The following MACROD2 variants were observed in gnomAD, a reference collection of about 807,000 sequenced individuals.
MACROD2 encodes the protein mono-ADP ribosylhydrolase 2, also known as ADP-ribose glycohydrolase MACROD2.
In MACROD2, 36 loss-of-function variants were observed where a neutral mutation model predicts 70.4. That is an observed-to-expected ratio of 0.51 (90% CI 0.39 to 0.68). The LOEUF (loss-of-function observed/expected upper bound fraction) is 0.68. Among genes scored for constraint, MACROD2 ranks in the 30% least tolerant of loss-of-function variants. The probability of loss-of-function intolerance (pLI) is 0.00; values close to 1 mark genes in which losing one functional copy is unlikely to be tolerated. For missense variants in MACROD2, 496 were observed against 538.4 expected (o/e 0.92, Z 0.78); for synonymous variants, 172 against 178.8 (o/e 0.96, Z 0.30).
At position 15,304,697 on chromosome 20, in the gene MACROD2, C is replaced by T. The variant is rs539425609; in HGVS notation, c.540+74636C>T. On this transcript the variant is annotated intron_variant, in intron 6 of 17. Transcript: ENST00000684519. The stretch of plus-strand genomic sequence containing the variant: ...TAGCTCACTGCAGACGACCCCTTCC[C>T]GCTCTCCCCTCTCTCCCTTACGTGC... Among the ~76,000 whole-genome samples, 21 of 152,220 alleles carry T rather than the reference C, an allele frequency of 1.4e-4. No homozygotes were observed. In the East Asian group the frequency reaches 1.5e-3, roughly 11 times the overall value.
rs1286793525 is a variant in MACROD2, at chr20:14,255,120, T to A, written c.271+169392T>A. The stretch of plus-strand genomic sequence containing the variant: ...GCTGAGAGATCCGCTGTTAGTCTGA[T>A]GGGCTTCCCTTTGTGGGTAACCCGA... On this transcript the variant is annotated intron_variant, in intron 3 of 17. Coordinates refer to ENST00000684519, the MANE Select transcript of MACROD2 (RefSeq NM_001351661.2). Among the ~76,000 whole-genome samples the A allele has an allele frequency of 5.9e-5, 9 of 152,192 alleles. No individual in the cohort carries two copies. In the East Asian group the frequency reaches 1.7e-3, roughly 29 times the overall value.
At position 14,859,850 on chromosome 20, in the gene MACROD2, T is replaced by C. The variant is rs190278317; in HGVS notation, c.418+174891T>C. 4.4e-3 allele frequency among the ~76,000 whole-genome samples: 676 copies of C among 152,190 alleles called. 8 individuals are homozygous for C. The highest frequency in any genetic ancestry group is 0.015 in the African/African-American group (637 of 41,520). On this transcript the variant is annotated intron_variant, in intron 5 of 17. Coordinates refer to ENST00000684519, the MANE Select transcript of MACROD2 (RefSeq NM_001351661.2). ...AATTGTCATTCTCAGTTCCCTTAAG[T>C]ACTAAATAGGAGAAAAGACAGTAGA...
chr20:14,359,884 T>G (rs939738223), intron 3 of MACROD2, among the ~76,000 whole-genome samples: 6 of 151,432 alleles, frequency 4.0e-5, no homozygotes, highest in Middle Eastern at 3.4e-3. Context: ...GTAAAGAAAA[T>G]GTGGAATATA....
At chr20:15,661,046 C>T (rs142386995) in intron 8 of MACROD2, among the ~76,000 whole-genome samples, 82 of 152,248 alleles carry the variant, frequency 5.4e-4, no homozygotes, top group African/African-American at 1.9e-3. Flanking sequence ...TCCAACTGGT[C>T]TCTTACTATT....
At chr20:14,377,691 A>T (rs1033538054) in intron 3 of MACROD2, among the ~76,000 whole-genome samples, 1 of 152,172 alleles carries the variant, frequency 6.6e-6, no homozygotes, top group Non-Finnish European at 1.5e-5. Context: ...AGAATTGTTC[A>T]CCTATTAGCA....
At chr20:14,947,120 T>C (rs2074439204) in intron 5 of MACROD2, among the ~76,000 whole-genome samples, 1 of 152,224 alleles carries the variant, frequency 6.6e-6, no homozygotes, top group African/African-American at 2.4e-5. Context: ...ATACGGCATA[T>C]CTTAGAGCTG....
chr20:14,971,865 A>C (rs1304692203), intron 5 of MACROD2, among the ~76,000 whole-genome samples: 2 of 152,128 alleles, frequency 1.3e-5, no homozygotes, highest in East Asian at 3.9e-4. Context: ...AGAAGGGAAA[A>C]TGGAGCCGCC....
chr20:14,733,943 A>G (rs147089365), intron 5 of MACROD2, among the ~76,000 whole-genome samples: 5 of 152,280 alleles, frequency 3.3e-5, no homozygotes, highest in African/African-American at 1.2e-4. Context: ...CCATTTGTAT[A>G]TTGAGGATAA....
intron 4 of MACROD2, among the ~76,000 whole-genome samples, chr20:14,533,757 A>G (rs2085333246): frequency 6.6e-6 from 1 of 152,202 alleles, no homozygotes; most frequent in African/African-American, 2.4e-5. Context: ...TTCTTTGCAA[A>G]TATTTTCATT....
chr20:15,596,662 T>A (rs1055755287), intron 8 of MACROD2, among the ~76,000 whole-genome samples: 1 of 152,184 alleles, frequency 6.6e-6, no homozygotes, highest in Non-Finnish European at 1.5e-5. Flanking sequence ...GCAGTGTACT[T>A]CCAAAGAAGG....
At chr20:16,001,842 A>G (rs1391255548) in intron 15 of MACROD2, among the ~76,000 whole-genome samples, 1 of 152,090 alleles carries the variant, frequency 6.6e-6, no homozygotes, top group Non-Finnish European at 1.5e-5. Context: ...AGATATGGTC[A>G]TATAATTTCA....
intron 3 of MACROD2, among the ~76,000 whole-genome samples, chr20:14,131,738 A>T (rs2054720773): frequency 1.3e-5 from 2 of 152,046 alleles, no homozygotes; most frequent in Admixed American, 6.6e-5. Context: ...AATTTAAAAA[A>T]TTTTTTCAGA....
chr20:15,674,405 C>T (rs6034253), intron 8 of MACROD2, among the ~76,000 whole-genome samples: 38,026 of 151,752 alleles, frequency 0.25, 5,668 homozygotes, highest in African/African-American at 0.42. Context: ...GCAGTGGGTG[C>T]GAAGGCATCT....
At chr20:14,466,266 C>T (rs554963964) in intron 3 of MACROD2, among the ~76,000 whole-genome samples, 9 of 152,140 alleles carry the variant, frequency 5.9e-5, no homozygotes, top group Admixed American at 2.0e-4. Flanking sequence ...CTTCTCTTCA[C>T]GCTTCATTTC....
intron 3 of MACROD2, among the ~76,000 whole-genome samples, chr20:14,173,454 T>C (rs2081239414): frequency 6.6e-6 from 1 of 152,188 alleles, no homozygotes; most frequent in African/African-American, 2.4e-5. Context: ...TGTCCTTCAT[T>C]TCGAGAAGTT....
At chr20:15,651,106 A>G (rs968320479) in intron 8 of MACROD2, among the ~76,000 whole-genome samples, 4 of 152,206 alleles carry the variant, frequency 2.6e-5, no homozygotes, top group Non-Finnish European at 2.9e-5. Context: ...GGTTTGTTCC[A>G]GAGGCCATAT....
chr20:14,308,014 A>G (rs932981348), intron 3 of MACROD2, among the ~76,000 whole-genome samples: 1 of 152,166 alleles, frequency 6.6e-6, no homozygotes, highest in Non-Finnish European at 1.5e-5. Flanking sequence ...TGTTCCAACT[A>G]TAATGTGTTG....
chr20:15,937,324 C>G (rs2065679717), intron 11 of MACROD2, 152 bp from the exon 12 acceptor site: 1 of 641,594 alleles, frequency 1.6e-6, no homozygotes, highest in Non-Finnish European at 2.8e-6. Flanking sequence ...TCCCAAACCA[C>G]TAGCCCCTTC....
intron 3 of MACROD2, among the ~76,000 whole-genome samples, chr20:14,429,539 T>C (rs1334518719): frequency 6.6e-6 from 1 of 152,132 alleles, no homozygotes; most frequent in East Asian, 1.9e-4. Flanking sequence ...AAACATGTGT[T>C]GGAAGTTAGT....
Sources: allele counts gnomAD v4.1 joint callset (sites outside exome capture counted in the v4.1 genomes callset), GRCh38; gene constraint gnomAD v4.1.1; transcripts MANE v1.5; gene names NCBI Gene and HGNC (gene_info 2026-07-23, HGNC 2026-07-21).